The following COG5 variants were observed in gnomAD, a reference collection of about 807,000 sequenced individuals.
COG5 encodes the protein conserved oligomeric Golgi complex subunit 5.
COG5 carries 86 observed loss-of-function variants against 110.4 expected under a neutral mutation model. The observed-to-expected ratio is 0.78, with a 90% CI of 0.65 to 0.93. COG5 has a LOEUF of 0.93. Ranked by LOEUF, COG5 falls within the 40% of genes least tolerant of loss-of-function variation. The pLI, the probability that COG5 is intolerant of heterozygous loss-of-function variation, is 0.00. For missense variants in COG5, 1,077 were observed against 987.0 expected, an observed-to-expected ratio of 1.09 and a Z score of -1.22; for synonymous variants, 360 against 334.6, an observed-to-expected ratio of 1.08 and a Z score of -0.83.
At chr7:107,289,360 T>C (rs1414238447) in intron 12 of COG5, among the ~76,000 whole-genome samples, 3 of 152,174 alleles carry the variant, frequency 2.0e-5, no homozygotes, top group Non-Finnish European at 4.4e-5. Flanking sequence ...CAGTTTTATG[T>C]CTATCCTTGT....
At chr7:107,207,406 C>T (rs1300481190) in intron 21 of COG5, among the ~76,000 whole-genome samples, 1 of 152,164 alleles carries the variant, frequency 6.6e-6, no homozygotes, top group Non-Finnish European at 1.5e-5. Flanking sequence ...TCCAAGGATG[C>T]ACATGGCACC....
chr7:107,407,857 A>G (rs1791973235), intron 7 of COG5, among the ~76,000 whole-genome samples: 1 of 152,204 alleles, frequency 6.6e-6, no homozygotes, highest in African/African-American at 2.4e-5. Flanking sequence ...AGGGACAGCC[A>G]TAAGTGTCAT....
intron 10 of COG5, among the ~76,000 whole-genome samples, chr7:107,331,065 A>T (rs946092315): frequency 4.6e-5 from 7 of 152,194 alleles, no homozygotes; most frequent in African/African-American, 1.7e-4. Flanking sequence ...GGGAGGACAT[A>T]AGAATGGAAA....
At chr7:107,268,419 G>T (rs959302253) in intron 14 of COG5, among the ~76,000 whole-genome samples, 1 of 152,082 alleles carries the variant, frequency 6.6e-6, no homozygotes, top group Non-Finnish European at 1.5e-5. Context: ...CAGGAAAAAA[G>T]GTTCATTACC....
At chr7:107,210,115 G>T in intron 21 of COG5, 1 of 1,058,388 alleles carries the variant, frequency 9.4e-7, no homozygotes, top group Non-Finnish European at 1.1e-6. Flanking sequence ...TTCCTCCTCA[G>T]AACTGTTTCG....
chr7:107,373,564 T>A (rs1306043470), intron 7 of COG5, among the ~76,000 whole-genome samples: 1 of 152,116 alleles, frequency 6.6e-6, no homozygotes, highest in Non-Finnish European at 1.5e-5. Context: ...GATAGCAATG[T>A]GCTTAGTATG....
At chr7:107,279,027 C>A (rs1316291902) in intron 14 of COG5, among the ~76,000 whole-genome samples, 1 of 152,104 alleles carries the variant, frequency 6.6e-6, no homozygotes, top group African/African-American at 2.4e-5. Context: ...AAAAGTTTTG[C>A]AATCTATCCA....
In COG5 at chr7:107,389,713, A is replaced by T. The variant is rs565717627; in HGVS notation, c.670-16953T>A. Among the ~76,000 whole-genome samples, 10 of 152,230 alleles carry T rather than the reference A, an allele frequency of 6.6e-5. No individual in the cohort carries two copies. In the South Asian group the frequency reaches 1.5e-3, roughly 22 times the overall value. ...TGTCCTCACCTGTCATGACTCAATC[A>T]GCATTTCATTGCCACGTCCCATTCC... On this transcript the variant is annotated intron_variant, in intron 7 of 21. Transcript: ENST00000297135.
intron 7 of COG5, among the ~76,000 whole-genome samples, chr7:107,395,938 C>A (rs1382915728): frequency 6.6e-6 from 1 of 151,990 alleles, no homozygotes; most frequent in Admixed American, 6.6e-5. Flanking sequence ...AAACTTAAGA[C>A]AATAAAAAGA....
At chr7:107,252,728 T>C (rs1237864922) in intron 16 of COG5, among the ~76,000 whole-genome samples, 2 of 152,100 alleles carry the variant, frequency 1.3e-5, no homozygotes, top group East Asian at 1.9e-4. Context: ...AAAAGGGTAA[T>C]ACATCATGAC....
At chr7:107,412,017 T>C (rs544836320) in intron 7 of COG5, among the ~76,000 whole-genome samples, 34 of 152,282 alleles carry the variant, frequency 2.2e-4, no homozygotes, top group African/African-American at 7.2e-4. Flanking sequence ...TTTTAAATTA[T>C]GGCATAATGA....
At chr7:107,498,808 T>C (rs1176190477) in intron 6 of COG5, among the ~76,000 whole-genome samples, 1 of 152,108 alleles carries the variant, frequency 6.6e-6, no homozygotes, top group African/African-American at 2.4e-5. Flanking sequence ...TTATCCAAAA[T>C]AACTGAAATA....
intron 10 of COG5, among the ~76,000 whole-genome samples, chr7:107,350,243 T>A (rs1337633282): frequency 2.0e-5 from 3 of 152,202 alleles, no homozygotes; most frequent in African/African-American, 7.2e-5. Flanking sequence ...ATATTCTTCA[T>A]AACCTAGTCT....
At chr7:107,511,123 A>T (rs1473386915) in intron 6 of COG5, among the ~76,000 whole-genome samples, 3 of 148,952 alleles carry the variant, frequency 2.0e-5, no homozygotes, top group South Asian at 2.1e-4. Context: ...TTTTGAAAAG[A>T]TCAACAAAAC....
intron 6 of COG5, among the ~76,000 whole-genome samples, chr7:107,460,418 T>C (rs1228307587): frequency 6.6e-6 from 1 of 151,932 alleles, no homozygotes; most frequent in African/African-American, 2.4e-5. Flanking sequence ...ACAACATACT[T>C]TGAAATAACC....
intron 16 of COG5, among the ~76,000 whole-genome samples, chr7:107,249,137 C>A (rs960092493): frequency 2.0e-5 from 3 of 152,100 alleles, no homozygotes; most frequent in Non-Finnish European, 4.4e-5. Flanking sequence ...TCTAATAGGG[C>A]ACAACAGTTG....
chr7:107,396,568 A>C (rs1440614985), intron 7 of COG5, among the ~76,000 whole-genome samples: 1 of 151,812 alleles, frequency 6.6e-6, no homozygotes, highest in African/African-American at 2.4e-5. Context: ...AAATGACAAG[A>C]GGTAGAATGA....
chr7:107,338,790 G>A (rs550281435), intron 10 of COG5, among the ~76,000 whole-genome samples: 32 of 152,072 alleles, frequency 2.1e-4, no homozygotes, highest in Admixed American at 2.0e-3. Flanking sequence ...ATAGACAAAA[G>A]ACTTTAATAG....
intron 2 of COG5, 136 bp downstream of exon 2, chr7:107,557,840 A>T: frequency 8.5e-7 from 1 of 1,181,648 alleles, no homozygotes; most frequent in Non-Finnish European, 1.2e-6. Context: ...TCAAAAATTT[A>T]CTTTGAAAAA....
Sources: allele counts gnomAD v4.1 joint callset (sites outside exome capture counted in the v4.1 genomes callset), GRCh38; gene constraint gnomAD v4.1.1; transcripts MANE v1.5; gene names NCBI Gene and HGNC (gene_info 2026-07-23, HGNC 2026-07-21).